SKIC2: variants seen among roughly 807,000 people sequenced by gnomAD.
The protein encoded by SKIC2 is SKI2 subunit of superkiller complex.
At chr6:31,968,377 C>T in the SKIC2 span, 80 of 1,612,892 alleles carry the variant, frequency 5.0e-5, no homozygotes, top group Admixed American at 4.8e-4. The surrounding 1 kb of genome is among the most constrained non-coding windows in gnomAD (Gnocchi z 6.1). Context: ...GGAACTGCTG[C>T]GTCTGGCTCA....
the SKIC2 span, chr6:31,968,761 T>C: frequency 6.2e-7 from 1 of 1,612,906 alleles, no homozygotes; most frequent in Non-Finnish European, 8.5e-7. This position sits in a 1 kb window ranked among gnomAD's most constrained non-coding sequence, Gnocchi z 6.1. Context: ...GGATCAGTCA[T>C]TGCTGCTGCT....
At chr6:31,959,645 C>G in the SKIC2 span, 1 of 556,424 alleles carries the variant, frequency 1.8e-6, no homozygotes, top group Non-Finnish European at 3.2e-6. Context: ...CTCCGTGGAG[C>G]TCCCTTCTGT....
chr6:31,963,592 T>C, the SKIC2 span: 1 of 1,536,896 alleles, frequency 6.5e-7, no homozygotes, highest in Non-Finnish European at 8.7e-7. The surrounding 1 kb of genome is among the most constrained non-coding windows in gnomAD (Gnocchi z 5.3). Flanking sequence ...GAGTTAGGGC[T>C]GGGCCCCCAG....
At chr6:31,960,338 G>A in the SKIC2 span, 1 of 1,612,398 alleles carries the variant, frequency 6.2e-7, no homozygotes, top group African/African-American at 1.3e-5. Context: ...TTACAAAGAG[G>A]TAGGAGGTCA....
the SKIC2 span, chr6:31,967,036 G>A: frequency 1.2e-6 from 2 of 1,613,030 alleles, no homozygotes; most frequent in Non-Finnish European, 8.5e-7. This position sits in a 1 kb window ranked among gnomAD's most constrained non-coding sequence, Gnocchi z 4.9. Context: ...AACTGACCAA[G>A]AGGCTGGGAG....
At chr6:31,965,715 C>T in the SKIC2 span, 1 of 917,528 alleles carries the variant, frequency 1.1e-6, no homozygotes, top group Non-Finnish European at 1.8e-6. This position sits in a 1 kb window ranked among gnomAD's most constrained non-coding sequence, Gnocchi z 5.6. Context: ...GTAAGGTGGG[C>T]TTGGCCAGGG....
chr6:31,959,881 C>A, the SKIC2 span: 1 of 698,598 alleles, frequency 1.4e-6, no homozygotes, highest in South Asian at 1.8e-5. Context: ...AGTTTTTGGC[C>A]AAGCCTGATT....
chr6:31,961,823 A>G, the SKIC2 span: 25 of 1,573,088 alleles, frequency 1.6e-5, 1 homozygote, highest in South Asian at 2.6e-4. Flanking sequence ...TCCGGCCTTC[A>G]TCCGCCCGCC....
chr6:31,961,070 A>G, the SKIC2 span: 1 of 1,613,292 alleles, frequency 6.2e-7, no homozygotes. Context: ...TGGTTTCAAG[A>G]AAGGCATGGA....
At chr6:31,963,620 C>T in the SKIC2 span, 2 of 1,532,306 alleles carry the variant, frequency 1.3e-6, no homozygotes, top group South Asian at 1.3e-5. The surrounding 1 kb of genome is among the most constrained non-coding windows in gnomAD (Gnocchi z 5.3). Flanking sequence ...TTGTGGCTAC[C>T]CCTCCCTGTG....
chr6:31,961,903 C>T, the SKIC2 span: 7 of 1,612,922 alleles, frequency 4.3e-6, no homozygotes, highest in Middle Eastern at 1.6e-4. Flanking sequence ...TTTCTCTCTC[C>T]CATAGTGGGC....
chr6:31,961,137 C>A, the SKIC2 span: 1 of 1,610,492 alleles, frequency 6.2e-7, no homozygotes. Context: ...AAGTCATGTC[C>A]TTCTCCTAAG....
chr6:31,963,488 A>G, the SKIC2 span: 1 of 1,611,864 alleles, frequency 6.2e-7, no homozygotes, highest in Non-Finnish European at 8.5e-7. This position sits in a 1 kb window ranked among gnomAD's most constrained non-coding sequence, Gnocchi z 5.3. Context: ...ATCTTTTCAC[A>G]GGGAACAGCT....
At chr6:31,969,114 C>T in the SKIC2 span, 2 of 1,598,122 alleles carry the variant, frequency 1.3e-6, no homozygotes, top group African/African-American at 2.7e-5. This position sits in a 1 kb window ranked among gnomAD's most constrained non-coding sequence, Gnocchi z 6.1. Flanking sequence ...CCCTTTCTCC[C>T]TGCCAGGGCT....
the SKIC2 span, chr6:31,968,858 C>CTTTT: frequency 6.2e-7 from 1 of 1,612,010 alleles, no homozygotes; most frequent in Non-Finnish European, 8.5e-7. The surrounding 1 kb of genome is among the most constrained non-coding windows in gnomAD (Gnocchi z 6.1). Flanking sequence ...AATGCCCACC[C>CTTTT]TTTTTCTTGC....
At chr6:31,966,255 C>A in the SKIC2 span, among the ~76,000 whole-genome samples, 1 of 151,912 alleles carries the variant, frequency 6.6e-6, no homozygotes, top group African/African-American at 2.4e-5. This position sits in a 1 kb window ranked among gnomAD's most constrained non-coding sequence, Gnocchi z 5.9. Context: ...GCCACACAGG[C>A]CTGGCTAATT....
the SKIC2 span, chr6:31,963,724 C>T: frequency 6.5e-7 from 1 of 1,545,660 alleles, no homozygotes; most frequent in Non-Finnish European, 8.7e-7. This position sits in a 1 kb window ranked among gnomAD's most constrained non-coding sequence, Gnocchi z 5.3. Context: ...ATCAGGGGGG[C>T]CCTGCACAGG....
the SKIC2 span, chr6:31,967,745 A>G: frequency 1.2e-6 from 2 of 1,612,984 alleles, no homozygotes; most frequent in African/African-American, 1.3e-5. The surrounding 1 kb of genome is among the most constrained non-coding windows in gnomAD (Gnocchi z 4.9). Flanking sequence ...CAGAGTATTC[A>G]CAACCCTGGT....
the SKIC2 span, chr6:31,967,879 T>A: frequency 6.2e-7 from 1 of 1,612,902 alleles, no homozygotes; most frequent in Non-Finnish European, 8.5e-7. This position sits in a 1 kb window ranked among gnomAD's most constrained non-coding sequence, Gnocchi z 4.9. Flanking sequence ...GTGTGGCAGA[T>A]GTCTGTTTTC....
Sources: allele counts gnomAD v4.1 joint callset (sites outside exome capture counted in the v4.1 genomes callset), GRCh38; gene constraint gnomAD v4.1.1; non-coding constraint Gnocchi (gnomAD v3.1); transcripts MANE v1.5; gene names NCBI Gene and HGNC (gene_info 2026-07-23, HGNC 2026-07-21).